DACH1: variants seen among roughly 807,000 people sequenced by gnomAD.
The protein encoded by DACH1 is dachshund family transcription factor 1, also known as dachshund homolog 1.
DACH1 carries 12 observed loss-of-function variants against 54.2 expected under a neutral mutation model. The ratio of observed to expected loss-of-function variants is 0.22; its 90% CI spans 0.14 to 0.36. The LOEUF (loss-of-function observed/expected upper bound fraction) is 0.36, where lower values mean the gene tolerates loss of function less well. DACH1 is among the 10% of genes least tolerant of loss of function. DACH1 has a pLI of 1.00. For missense variants in DACH1, 805 were observed against 929.8 expected, an observed-to-expected ratio of 0.87 and a Z score of 1.75; for synonymous variants, 386 against 366.2, an observed-to-expected ratio of 1.05 and a Z score of -0.62.
chr13:71,791,050 C>T (rs1334098556), intron 1 of DACH1, among the ~76,000 whole-genome samples: 1 of 152,160 alleles, frequency 6.6e-6, no homozygotes, highest in Admixed American at 6.6e-5. Context: ...CTGACTGAAA[C>T]CCTGACATGA....
chr13:71,815,960 C>T (rs1473180810), intron 1 of DACH1, among the ~76,000 whole-genome samples: 1 of 151,916 alleles, frequency 6.6e-6, no homozygotes, highest in Non-Finnish European at 1.5e-5. Context: ...TAGCGGGCGC[C>T]TGTAGTCCCA....
At position 71,848,721 on chromosome 13, in the gene DACH1, C is replaced by T. The variant is rs543748414; in HGVS notation, c.848+17201G>A. On this transcript the variant is annotated intron_variant, in intron 1 of 10. Transcript: ENST00000613252. The stretch of plus-strand genomic sequence containing the variant: ...TTTTTTGTACAGATGGGGGGGTTCT[C>T]ACTATGTTGCCCAGGATGGTCTGGA... Among the ~76,000 whole-genome samples, 6 of 152,148 alleles carry T rather than the reference C, an allele frequency of 3.9e-5. No individual in the cohort carries two copies. The East Asian group carries it at 1.2e-3, about 29-fold the overall frequency.
rs184219919 is a variant in DACH1 at position 71,471,293 on chromosome 13, C to T, written c.2083+3848G>A. ...ATTAGGGTGCCATAGGGAAGGAACACTGGAGAAAGGCAGGCTTGGGGAGAG... is the reference window on the plus strand; with the variant it reads ...ATTAGGGTGCCATAGGGAAGGAACATTGGAGAAAGGCAGGCTTGGGGAGAG... On this transcript the variant is annotated intron_variant, in intron 10 of 10. Coordinates refer to ENST00000613252, the MANE Select transcript of DACH1 (RefSeq NM_080759.6). 2.4e-3 allele frequency among the ~76,000 whole-genome samples: 363 copies of T among 151,832 alleles called. 9 individuals carry two copies. Among genetic ancestry groups the T allele is most frequent in the Admixed American group, 0.022 (333 of 15,230 alleles).
intron 2 of DACH1, among the ~76,000 whole-genome samples, chr13:71,663,624 A>G (rs1366578622): frequency 1.3e-5 from 2 of 151,962 alleles, no homozygotes; most frequent in Non-Finnish European, 2.9e-5. Flanking sequence ...ACCAATATTT[A>G]GTGGTTAAGG....
At chr13:71,540,303 C>T (rs1359995321) in intron 6 of DACH1, among the ~76,000 whole-genome samples, 4 of 152,038 alleles carry the variant, frequency 2.6e-5, no homozygotes, top group Non-Finnish European at 5.9e-5. Context: ...AGTTCACCTT[C>T]AGTGAAGAAC....
At chr13:71,806,430 A>C (rs1887506130) in intron 1 of DACH1, among the ~76,000 whole-genome samples, 2 of 152,322 alleles carry the variant, frequency 1.3e-5, no homozygotes, top group East Asian at 3.9e-4. Context: ...AGAATGTGAG[A>C]GAACATAAGC....
intron 1 of DACH1, among the ~76,000 whole-genome samples, chr13:71,683,421 G>A (rs924493247): frequency 1.3e-5 from 2 of 152,106 alleles, no homozygotes; most frequent in African/African-American, 4.8e-5. Flanking sequence ...TTACACTCCA[G>A]TGAGAATGTG....
At chr13:71,519,900 T>TATATATATATATATATATATATAC (rs1881457103) in intron 6 of DACH1, among the ~76,000 whole-genome samples, 1 of 134,244 alleles carries the variant, frequency 7.4e-6, no homozygotes, top group Non-Finnish European at 1.6e-5. Context: ...TATATATATA[T>TATATATATATATATATATATATAC]ATATATATCC....
intron 10 of DACH1, among the ~76,000 whole-genome samples, chr13:71,466,845 C>CA (rs55861394): frequency 0.023 from 2,246 of 99,426 alleles, 129 homozygotes; most frequent in African/African-American, 0.083. Context: ...CACCCTGTCT[C>CA]AAAAAAAAAA....
chr13:71,653,230 A>G (rs1337522042), intron 2 of DACH1, among the ~76,000 whole-genome samples: 2 of 152,192 alleles, frequency 1.3e-5, no homozygotes, highest in African/African-American at 2.4e-5. Context: ...TCCATGCTCA[A>G]AAGAAACACA....
At chr13:71,734,931 A>C (rs968350415) in intron 1 of DACH1, among the ~76,000 whole-genome samples, 2 of 149,466 alleles carry the variant, frequency 1.3e-5, no homozygotes, top group Admixed American at 1.3e-4. Context: ...GTATATATAC[A>C]TATATATAAA....
At position 71,719,140 on chromosome 13, in the gene DACH1, G is replaced by T. The variant is rs1482071395; in HGVS notation, c.849-37230C>A. Among the ~76,000 whole-genome samples the T allele has an allele frequency of 3.9e-5, 6 of 152,172 alleles. No individual in the cohort carries two copies. In the East Asian group the frequency reaches 1.2e-3, roughly 29 times the overall value. ...TTCAACAGTCAACTAAACCCTGCGA[G>T]GATTTAATTGATAATTAAAGTTAAA... On this transcript the variant is annotated intron_variant, in intron 1 of 10. Coordinates refer to ENST00000613252, the MANE Select transcript of DACH1 (RefSeq NM_080759.6).
At chr13:71,613,661 T>G (rs925154586) in intron 3 of DACH1, among the ~76,000 whole-genome samples, 1 of 152,116 alleles carries the variant, frequency 6.6e-6, no homozygotes, top group African/African-American at 2.4e-5. Context: ...AGATTACACA[T>G]GTTAAGGATG....
chr13:71,589,525 T>A (rs1873536377), intron 3 of DACH1, among the ~76,000 whole-genome samples: 1 of 151,962 alleles, frequency 6.6e-6, no homozygotes, highest in Admixed American at 6.6e-5. Flanking sequence ...TAAGTCAAAT[T>A]ATATACTCAT....
At chr13:71,499,512 T>C (rs1879735775) in intron 6 of DACH1, among the ~76,000 whole-genome samples, 1 of 152,188 alleles carries the variant, frequency 6.6e-6, no homozygotes, top group South Asian at 2.1e-4. Flanking sequence ...ACTGTTTTTG[T>C]TTTATTAAGG....
At position 71,551,598 on chromosome 13, in the gene DACH1, C is replaced by A. The variant is rs116770417; in HGVS notation, c.1570+5426G>T. ...TCACGTAACACAATGACCTGTAGTTCCATTCATGTTGCTGCATTTTTGAAG... is the reference window on the plus strand; with the variant it reads ...TCACGTAACACAATGACCTGTAGTTACATTCATGTTGCTGCATTTTTGAAG... On this transcript the variant is annotated intron_variant, in intron 6 of 10. Coordinates refer to ENST00000613252, the MANE Select transcript of DACH1 (RefSeq NM_080759.6). Among the ~76,000 whole-genome samples, 381 of 152,160 alleles carry A rather than the reference C, an allele frequency of 2.5e-3. 2 individuals are homozygous for A. The highest frequency in any genetic ancestry group is 0.015 in the South Asian group (74 of 4,818).
At chr13:71,537,844 T>A (rs1011124271) in intron 6 of DACH1, among the ~76,000 whole-genome samples, 2 of 152,140 alleles carry the variant, frequency 1.3e-5, no homozygotes, top group African/African-American at 4.8e-5. Context: ...CAATGAATAT[T>A]TTCTGTTTAC....
intron 1 of DACH1, among the ~76,000 whole-genome samples, chr13:71,816,110 T>C (rs1023395830): frequency 5.3e-5 from 8 of 151,870 alleles, no homozygotes; most frequent in Non-Finnish European, 1.0e-4. Context: ...TAAAATAAAA[T>C]AAGCTCAGAT....
Position 71,787,873 on chromosome 13 carries a change from G to A in DACH1, c.848+78049C>T, listed in dbSNP as rs180849477. Among the ~76,000 whole-genome samples the A allele has an allele frequency of 4.9e-3, 745 of 152,136 alleles. 2 individuals are homozygous for A. The highest frequency in any genetic ancestry group is 0.016 in the African/African-American group (647 of 41,510). On this transcript the variant is annotated intron_variant, in intron 1 of 10. Coordinates refer to ENST00000613252, the MANE Select transcript of DACH1 (RefSeq NM_080759.6). ...TTTACTACAGCTGAACAAAATGAGC[G>A]GAAATCTGGGAGGCTCATGTCAATA...
Sources: gnomAD v4.1 joint callset for allele counts (sites outside exome capture counted in the v4.1 genomes callset) on GRCh38, gnomAD v4.1.1 for gene constraint, MANE v1.5 for transcripts, NCBI Gene and HGNC (gene_info 2026-07-23, HGNC 2026-07-21) for gene names.